The following NF1 variants were observed in gnomAD, a reference collection of about 807,000 sequenced individuals.
NF1 encodes the protein neurofibromin.
A neutral mutation model predicts 325.7 loss-of-function variants in NF1; 122 were observed. The observed-to-expected ratio is 0.37, with a 90% CI of 0.32 to 0.44. NF1 has a LOEUF of 0.44. NF1 is among the 20% of genes least tolerant of loss of function. The pLI is 1.00. For synonymous variants in NF1, 1,091 were observed against 1,186.0 expected (o/e 0.92, Z 1.65); for missense variants, 2,140 against 3,415.4 (o/e 0.63, Z 9.31).
chr17:31,275,419 A>G (rs1043547671), intron 36 of NF1, among the ~76,000 whole-genome samples: 6 of 152,344 alleles, frequency 3.9e-5, no homozygotes, highest in Admixed American at 1.3e-4. Context: ...GTATAGTACA[A>G]TAAGATATTT....
intron 1 of NF1, among the ~76,000 whole-genome samples, chr17:31,130,575 G>A (rs567057932): frequency 1.3e-5 from 2 of 151,726 alleles, no homozygotes; most frequent in African/African-American, 4.8e-5. Context: ...TTCAGTGGCC[G>A]GTAAGGGGTG....
intron 1 of NF1, among the ~76,000 whole-genome samples, chr17:31,105,963 A>G (rs1279918962): frequency 6.6e-6 from 1 of 152,180 alleles, no homozygotes; most frequent in Non-Finnish European, 1.5e-5. Flanking sequence ...GGATTATTTA[A>G]CTTATTTTTA....
At chr17:31,195,440 TTAG>T (rs1425827827) in intron 8 of NF1, among the ~76,000 whole-genome samples, 1 of 152,162 alleles carries the variant, frequency 6.6e-6, no homozygotes, top group African/African-American at 2.4e-5. Flanking sequence ...AGCATACAGT[TTAG>T]TAGCACTATC....
chr17:31,336,803 G>A lies in NF1; in HGVS notation c.6316G>A (p.Val2106Ile), dbSNP rs755791578. The change falls in exon 42 of 58, where the codon GTT (valine) becomes ATT (isoleucine). Residue 2106 changes from valine (V) to isoleucine (I), a missense_variant. This residue lies in a region of NF1 where 180 missense variants were observed against 435.1 expected (regional missense o/e 0.41). Coordinates refer to ENST00000358273, the MANE Select transcript of NF1 (RefSeq NM_001042492.3). This position sits in a 1 kb window ranked among gnomAD's most constrained non-coding sequence, Gnocchi z 5.5. The stretch of plus-strand genomic sequence containing the variant: ...AGCTCATCTTCCCTACCTCTTCCAC[G>A]TTGTTACTTTCTTAGTAGCCACAGG... ...VAAHLPYLFH[V>I]VTFLVATGPL... is the part of the protein sequence containing the mutation. 9.9e-6 allele frequency: 16 copies of A among 1,613,758 alleles called. No individual in the cohort carries two copies. The highest frequency in any genetic ancestry group is 3.3e-4 in the Middle Eastern group (2 of 6,084).
intron 1 of NF1, among the ~76,000 whole-genome samples, chr17:31,152,769 C>T (rs1917039435): frequency 6.6e-6 from 1 of 151,610 alleles, no homozygotes; most frequent in Non-Finnish European, 1.5e-5. Context: ...TTACAGTTTT[C>T]ATCTGTTGGT....
At chr17:31,331,295 A>C (rs1329571285) in intron 39 of NF1, 1 of 149,866 alleles carries the variant, frequency 6.7e-6, no homozygotes, top group Non-Finnish European at 1.5e-5. Context: ...AAATATTAAT[A>C]TGAGAGAAGA....
rs572253513 is a variant in NF1, at chr17:31,097,430, C to G, written c.60+2061C>G. ...CTGAGATCACACCACTGCACTCTAG[C>G]CTGGGCGACAGAGCGAGACTCTTGT... On this transcript the variant is annotated intron_variant, in intron 1 of 57. Transcript: ENST00000358273. Among the ~76,000 whole-genome samples the G allele has an allele frequency of 3.5e-5, 5 of 143,944 alleles. No homozygotes were observed. In the South Asian group the frequency reaches 1.1e-3, roughly 32 times the overall value. 94.4% of individuals were successfully genotyped at this position (143,944 alleles called of 152,430 possible).
At chr17:31,330,097 T>G (rs2069443087) in intron 38 of NF1, among the ~76,000 whole-genome samples, 199 bp from the exon 39 acceptor site, 1 of 152,156 alleles carries the variant, frequency 6.6e-6, no homozygotes, top group South Asian at 2.1e-4. Flanking sequence ...AGTGTGTCCC[T>G]TTTTATAAAA....
At chr17:31,108,567 C>T (rs1166255192) in intron 1 of NF1, among the ~76,000 whole-genome samples, 1 of 152,166 alleles carries the variant, frequency 6.6e-6, no homozygotes, top group Non-Finnish European at 1.5e-5. Flanking sequence ...TGAGCCACTG[C>T]ACATGGCCTA....
chr17:31,296,297 A>G (rs780542697), intron 36 of NF1: 4 of 1,614,090 alleles, frequency 2.5e-6, no homozygotes, highest in Non-Finnish European at 3.4e-6. Flanking sequence ...AAGGATGAAC[A>G]GGCAGAGAGA....
At position 31,229,418 on chromosome 17, in the gene NF1, A is replaced by C. The variant is rs786201823; in HGVS notation, c.2803A>C (p.Asn935His). 9 of 1,613,772 alleles carry C rather than the reference A, an allele frequency of 5.6e-6. No homozygotes were observed. Among genetic ancestry groups the C allele is most frequent in the Non-Finnish European group, 7.6e-6 (9 of 1,179,818 alleles). ...LSPALYPMLF[N>H]KLKNTISKFF... ...TCCTGCTCTGTATCCAATGCTATTT[A>C]ACAAATTGAAGAATACCATCAGCAA... The change falls in exon 21 of 58, where the codon AAC becomes CAC. Residue 935 changes from asparagine (N) to histidine (H), a missense_variant. By Grantham distance (68) the Asn-to-His change is moderately conservative. This residue lies in a region of NF1 where 380 missense variants were observed against 639.3 expected (regional missense o/e 0.59). Coordinates refer to ENST00000358273, the MANE Select transcript of NF1 (RefSeq NM_001042492.3).
chr17:31,269,569 GA>G (rs2067853729), intron 36 of NF1, among the ~76,000 whole-genome samples: 1 of 152,218 alleles, frequency 6.6e-6, no homozygotes, highest in Admixed American at 6.5e-5. Flanking sequence ...ATGTACCTAA[GA>G]AAATCAAGAG....
intron 51 of NF1, among the ~76,000 whole-genome samples, chr17:31,354,653 A>G (rs1386621667): frequency 6.6e-6 from 1 of 152,160 alleles, no homozygotes; most frequent in Admixed American, 6.5e-5. Flanking sequence ...TCCAAGCAAA[A>G]AAAATGGTGT....
chr17:31,292,286 A>G (rs1016628608), intron 36 of NF1, among the ~76,000 whole-genome samples: 3 of 152,224 alleles, frequency 2.0e-5, no homozygotes, highest in Admixed American at 1.3e-4. Flanking sequence ...TGCTTGAGAG[A>G]TAGATGCTAA....
At chr17:31,314,780 T>C (rs912196557) in intron 36 of NF1, among the ~76,000 whole-genome samples, 1 of 152,160 alleles carries the variant, frequency 6.6e-6, no homozygotes, top group Admixed American at 6.5e-5. Flanking sequence ...AGTGCAGATG[T>C]CTCTTTGTAC....
At position 31,345,718 on chromosome 17, in the gene NF1, A is replaced by G. The variant is rs536737346; in HGVS notation, c.7189+2583A>G. ...GAGAAAAGTCTTTTGGTTCCAGACC[A>G]TGTGATCACACGCCTAATGATGTCC... On this transcript the variant is annotated intron_variant, in intron 48 of 57. Transcript: ENST00000358273. The G allele has an allele frequency of 9.3e-4, 1,507 of 1,613,000 alleles. 3 individuals are homozygous for G. The African/African-American group carries it at 0.018, about 19-fold the overall frequency.
chr17:31,279,086 T>TA (rs902526535), intron 36 of NF1, among the ~76,000 whole-genome samples: 2 of 151,248 alleles, frequency 1.3e-5, no homozygotes, highest in Non-Finnish European at 3.0e-5. Flanking sequence ...AAAGTACATT[T>TA]AAAAAAAAAT....
intron 29 of NF1, among the ~76,000 whole-genome samples, chr17:31,242,603 C>T (rs1028792778): frequency 6.6e-6 from 1 of 152,130 alleles, no homozygotes; most frequent in Non-Finnish European, 1.5e-5. Flanking sequence ...ATGTCAGCTG[C>T]ATTTTTCGTC....
chr17:31,315,688 A>T (rs889353015), intron 36 of NF1, among the ~76,000 whole-genome samples: 2 of 152,194 alleles, frequency 1.3e-5, no homozygotes, highest in Non-Finnish European at 2.9e-5. Context: ...TTATAAGCTT[A>T]TTGTGGAATT....
Sources: allele counts gnomAD v4.1 joint callset (sites outside exome capture counted in the v4.1 genomes callset), GRCh38; gene constraint gnomAD v4.1.1; regional missense constraint gnomAD v4.1.1; non-coding constraint Gnocchi (gnomAD v3.1); transcripts MANE v1.5; gene names NCBI Gene and HGNC (gene_info 2026-07-23, HGNC 2026-07-21).